The following TMEM62 variants were observed in gnomAD, a reference collection of about 807,000 sequenced individuals.
TMEM62 encodes the protein transmembrane protein 62.
A neutral mutation model predicts 70.4 loss-of-function variants in TMEM62; 41 were observed. The ratio of observed to expected loss-of-function variants is 0.58; its 90% confidence interval spans 0.45 to 0.76. The LOEUF (loss-of-function observed/expected upper bound fraction) is 0.76, where lower values mean the gene tolerates loss of function less well. Ranked by LOEUF, TMEM62 falls within the 30% of genes least tolerant of loss-of-function variation. The pLI is 0.00. For missense variants in TMEM62, 688 were observed against 788.5 expected, an observed-to-expected ratio of 0.87 and a Z score of 1.53; for synonymous variants, 268 against 291.0, an observed-to-expected ratio of 0.92 and a Z score of 0.80.
intron 11 of TMEM62, among the ~76,000 whole-genome samples, chr15:43,172,613 G>A (rs1056458046): frequency 1.3e-5 from 2 of 152,092 alleles, no homozygotes; most frequent in African/African-American, 4.8e-5. Context: ...ATCTAGCACA[G>A]AGAAATGCAA....
rs775571830 is a variant in TMEM62 at position 43,135,638 on chromosome 15, A to G, written c.419A>G (p.Lys140Arg). 2 of 1,594,808 alleles carry G rather than the reference A, an allele frequency of 1.3e-6. No homozygotes were observed. Among genetic ancestry groups the G allele is most frequent in the Non-Finnish European group, 1.7e-6 (2 of 1,175,432 alleles). The stretch of plus-strand genomic sequence containing the variant: ...GAAAAAACCAAGTGGCTGGATATCA[A>G]AGGAAATCATGGTAAGAGCCAAGAG... ...VMEKTKWLDI[K>R]GNHDAFNIPS... The change falls in exon 3 of 14, where the codon AAA becomes AGA. Residue 140 changes from lysine (K) to arginine (R), a missense_variant. Transcript: ENST00000260403.
chr15:43,182,166 C>A (rs1044987086), intron 13 of TMEM62, among the ~76,000 whole-genome samples: 3 of 152,200 alleles, frequency 2.0e-5, no homozygotes, highest in African/African-American at 7.2e-5. Flanking sequence ...AGAAAAACTA[C>A]ATAAACAGAT....
At chr15:43,137,093 C>T (rs1041611402) in intron 3 of TMEM62, among the ~76,000 whole-genome samples, 3 of 152,160 alleles carry the variant, frequency 2.0e-5, no homozygotes, top group Non-Finnish European at 2.9e-5. Context: ...TAGGCATGAA[C>T]AGGGAAATGG....
chr15:43,176,985 T>TGCTTAAAGGAGCTGATG (rs2040825445), intron 11 of TMEM62, among the ~76,000 whole-genome samples: 1 of 151,856 alleles, frequency 6.6e-6, no homozygotes, highest in Admixed American at 6.6e-5. Flanking sequence ...TACAGAGAAG[T>TGCTTAAAGGAGCTGATG]GCTTAAAGGA....
chr15:43,148,872 A>C lies in TMEM62; in HGVS notation c.736A>C (p.Ile246Leu), dbSNP rs777196631. ...ILSPSPGIRS[I>L]MSSAIAYLCG... ...TTCTCCATCACCAGGAATCCGGTCA[A>C]TAATGAGGTGAGACAAGCTTCCAAA... Residue 246 changes from isoleucine (I) to leucine (L), a missense_variant, in exon 6 of 14, where the codon ATA becomes CTA. Transcript: ENST00000260403. The C allele has an allele frequency of 1.9e-6, 3 of 1,612,468 alleles. No homozygotes were observed. The highest frequency in any genetic ancestry group is 2.5e-6 in the Non-Finnish European group (3 of 1,179,638).
intron 9 of TMEM62, among the ~76,000 whole-genome samples, chr15:43,157,673 T>C (rs888146008): frequency 3.3e-5 from 5 of 152,154 alleles, no homozygotes; most frequent in Non-Finnish European, 1.5e-5. Flanking sequence ...CTATCTCCCC[T>C]CCCTGCACCA....
chr15:43,135,069 T>G (rs2035021863), intron 2 of TMEM62, among the ~76,000 whole-genome samples: 1 of 152,250 alleles, frequency 6.6e-6, no homozygotes. Flanking sequence ...TGTTGTCCAA[T>G]TCCACCTGCC....
At chr15:43,158,601 A>G (rs1013135845) in intron 9 of TMEM62, among the ~76,000 whole-genome samples, 1 of 152,192 alleles carries the variant, frequency 6.6e-6, no homozygotes, top group Non-Finnish European at 1.5e-5. Context: ...TACTTACCTA[A>G]ATCCATTTTT....
At chr15:43,135,843 G>T (rs1487168161) in intron 3 of TMEM62, 194 bp downstream of exon 3, 6 of 519,496 alleles carry the variant, frequency 1.2e-5, no homozygotes, top group Non-Finnish European at 1.9e-5. Context: ...ATGACAATTG[G>T]TATGGTCCTT....
chr15:43,177,375 A>T (rs2040864553), intron 11 of TMEM62, among the ~76,000 whole-genome samples: 1 of 151,954 alleles, frequency 6.6e-6, no homozygotes, highest in African/African-American at 2.4e-5. Context: ...GGATGTGGAG[A>T]AATAGGAACA....
chr15:43,152,452 T>C (rs763545872), intron 8 of TMEM62, among the ~76,000 whole-genome samples: 61 of 152,190 alleles, frequency 4.0e-4, no homozygotes, highest in African/African-American at 1.5e-3. Context: ...TGGAGTGCAG[T>C]GGCCTGATCT....
chr15:43,135,425 T>C (rs2035073871), intron 2 of TMEM62, 87 bp from the exon 3 acceptor site: 1 of 1,375,146 alleles, frequency 7.3e-7, no homozygotes. Flanking sequence ...TTAAGTATCC[T>C]TGTTCCTTCA....
At chr15:43,161,881 C>T (rs923239492) in intron 10 of TMEM62, among the ~76,000 whole-genome samples, 8 of 152,030 alleles carry the variant, frequency 5.3e-5, no homozygotes, top group African/African-American at 9.7e-5. Context: ...AGGCTGGTCT[C>T]GAACTCCTGA....
chr15:43,173,015 G>A (rs912730313), intron 11 of TMEM62, among the ~76,000 whole-genome samples: 2 of 152,100 alleles, frequency 1.3e-5, no homozygotes, highest in Admixed American at 6.6e-5. Context: ...ATCACTTGAG[G>A]TCAGGAGTTC....
chr15:43,179,661 T>C (rs1293987385), intron 12 of TMEM62: 2 of 152,222 alleles, frequency 1.3e-5, no homozygotes, highest in African/African-American at 4.8e-5. Context: ...TCTTTTAGGC[T>C]TTTTTGCTTA....
intron 3 of TMEM62, among the ~76,000 whole-genome samples, chr15:43,137,794 G>C (rs963600965): frequency 3.3e-5 from 5 of 152,246 alleles, no homozygotes; most frequent in Non-Finnish European, 7.3e-5. Flanking sequence ...CAGCTCTACT[G>C]TCTGTGCTGG....
Position 43,184,310 on chromosome 15 carries a change from G to A in TMEM62, c.1656G>A (p.Leu552=), listed in dbSNP as rs2041685729. 5.0e-6 allele frequency: 8 copies of A among 1,614,062 alleles called. No homozygotes were observed. Among genetic ancestry groups the A allele is most frequent in the African/African-American group, 1.3e-5 (1 of 74,904 alleles). The part of the protein sequence containing the change: ...PLMAYMCWSL[L]QRCFGHNFRS... ...TGGCTTACATGTGTTGGAGCTTGCTGCAGCGGTGCTTTGGTCACAACTTCA... is the reference window on the plus strand; with the variant it reads ...TGGCTTACATGTGTTGGAGCTTGCTACAGCGGTGCTTTGGTCACAACTTCA... Residue 552 remains leucine, a synonymous_variant, in exon 14 of 14, where the codon CTG becomes CTA. Coordinates refer to ENST00000260403, the MANE Select transcript of TMEM62 (RefSeq NM_024956.4).
At chr15:43,142,579 G>A (rs1362673478) in intron 4 of TMEM62, among the ~76,000 whole-genome samples, 1 of 151,968 alleles carries the variant, frequency 6.6e-6, no homozygotes, top group Non-Finnish European at 1.5e-5. Context: ...AGCCACCAAC[G>A]TCAAAACAAG....
At chr15:43,170,544 C>T (rs933033041) in intron 11 of TMEM62, among the ~76,000 whole-genome samples, 4 of 151,822 alleles carry the variant, frequency 2.6e-5, no homozygotes, top group African/African-American at 7.3e-5. Flanking sequence ...AAACAAAAAC[C>T]TTTCAAAGCT....
Sources: allele counts gnomAD v4.1 joint callset (sites outside exome capture counted in the v4.1 genomes callset), GRCh38; gene constraint gnomAD v4.1.1; transcripts MANE v1.5; gene names NCBI Gene and HGNC (gene_info 2026-07-23, HGNC 2026-07-21).